The following ARHGAP15 variants were observed in gnomAD, a reference collection of about 807,000 sequenced individuals.
ARHGAP15 encodes Rho GTPase activating protein 15.
In ARHGAP15, 51 loss-of-function variants were observed where a neutral mutation model predicts 63.7. The observed-to-expected ratio is 0.80, with a 90% CI of 0.64 to 1.01. ARHGAP15 has a LOEUF of 1.01. ARHGAP15 is among the 50% of genes least tolerant of loss of function. The pLI is 0.00. For missense variants in ARHGAP15, 560 were observed against 564.6 expected, an observed-to-expected ratio of 0.99 and a Z score of 0.08; for synonymous variants, 191 against 193.8, an observed-to-expected ratio of 0.99 and a Z score of 0.12.
intron 12 of ARHGAP15, among the ~76,000 whole-genome samples, chr2:143,643,340 C>T (rs1429389850): frequency 6.6e-6 from 1 of 151,938 alleles, no homozygotes; most frequent in Non-Finnish European, 1.5e-5. Context: ...GTGCCACTCC[C>T]CAGAAGATTG....
chr2:143,640,524 A>C (rs919827353), intron 12 of ARHGAP15, among the ~76,000 whole-genome samples: 4 of 152,082 alleles, frequency 2.6e-5, no homozygotes. Context: ...CAGAAATTTC[A>C]TCTCAGTGGC....
In ARHGAP15 at chr2:143,600,410, T is replaced by C. The variant is rs1035800952; in HGVS notation, c.1004-23723T>C. 3.9e-5 allele frequency among the ~76,000 whole-genome samples: 6 copies of C among 152,066 alleles called. No homozygotes were observed. The South Asian group carries it at 1.2e-3, about 31-fold the overall frequency. The stretch of plus-strand genomic sequence containing the variant: ...TCCAAGCATTGCATAACTAGTGGAG[T>C]ATTCATATCATATATAACTCAGTAG... On this transcript the variant is annotated intron_variant, in intron 11 of 13. Transcript: ENST00000295095.
At chr2:143,675,263 C>G (rs977988797) in intron 12 of ARHGAP15, among the ~76,000 whole-genome samples, 4 of 152,200 alleles carry the variant, frequency 2.6e-5, no homozygotes, top group African/African-American at 9.7e-5. Flanking sequence ...GCTAGTTCCA[C>G]CACATCTACA....
At chr2:143,383,906 C>T (rs895629087) in intron 6 of ARHGAP15, among the ~76,000 whole-genome samples, 1 of 152,042 alleles carries the variant, frequency 6.6e-6, no homozygotes, top group Admixed American at 6.6e-5. Flanking sequence ...GTCTTAGAGT[C>T]TATGATGAAA....
chr2:143,506,629 C>A (rs535207551), intron 9 of ARHGAP15, among the ~76,000 whole-genome samples: 2 of 152,188 alleles, frequency 1.3e-5, no homozygotes, highest in African/African-American at 4.8e-5. Context: ...TGATGACAGG[C>A]AAATGAAAAG....
In ARHGAP15 at chr2:143,699,045, G is replaced by C. The variant is rs537390315; in HGVS notation, c.1139-4374G>C. 2.7e-4 allele frequency among the ~76,000 whole-genome samples: 41 copies of C among 152,266 alleles called. 1 individual carries two copies. The highest frequency in any genetic ancestry group is 3.4e-3 in the Middle Eastern group (1 of 294). ...ACAGTTGACACATCTTTAGTAAGCTGTTTATGAATCTTAGCTCATTAACCA... is the reference window on the plus strand; with the variant it reads ...ACAGTTGACACATCTTTAGTAAGCTCTTTATGAATCTTAGCTCATTAACCA... On this transcript the variant is annotated intron_variant, in intron 12 of 13. Transcript: ENST00000295095.
rs191134391 is a variant in ARHGAP15 at position 143,331,868 on chromosome 2, C to T, written c.474+81268C>T. Among the ~76,000 whole-genome samples the T allele has an allele frequency of 1.5e-4, 23 of 152,206 alleles. No homozygotes were observed. In the East Asian group the frequency reaches 1.9e-3, roughly 13 times the overall value. ...TTAATCATTATTACATCTTATAAGA[C>T]GTAAGCTTCACACCTCATAAATTTA... On this transcript the variant is annotated intron_variant, in intron 6 of 13. Transcript: ENST00000295095.
intron 5 of ARHGAP15, among the ~76,000 whole-genome samples, chr2:143,246,322 A>G (rs1187043752): frequency 6.6e-6 from 1 of 151,940 alleles, no homozygotes; most frequent in Non-Finnish European, 1.5e-5. Context: ...ATTAAACTTT[A>G]TATTCATTTG....
At chr2:143,717,584 G>C (rs1457162815) in intron 13 of ARHGAP15, among the ~76,000 whole-genome samples, 1 of 152,214 alleles carries the variant, frequency 6.6e-6, no homozygotes, top group Non-Finnish European at 1.5e-5. Context: ...TGTCAGCAAA[G>C]CTCCTTGTAA....
At chr2:143,328,803 T>C (rs2105248244) in intron 6 of ARHGAP15, among the ~76,000 whole-genome samples, 1 of 152,306 alleles carries the variant, frequency 6.6e-6, no homozygotes. Flanking sequence ...CAATAATTTA[T>C]TGTACATTTT....
At chr2:143,207,274 T>C (rs1042979413) in intron 3 of ARHGAP15, among the ~76,000 whole-genome samples, 1 of 152,026 alleles carries the variant, frequency 6.6e-6, no homozygotes, top group Non-Finnish European at 1.5e-5. Context: ...TTATAGATAA[T>C]ATAGTAATAG....
intron 4 of ARHGAP15, among the ~76,000 whole-genome samples, chr2:143,221,686 C>T (rs1189517699): frequency 3.9e-5 from 6 of 152,188 alleles, no homozygotes; most frequent in African/African-American, 1.2e-4. Flanking sequence ...TCTTCTCCCT[C>T]GGCATCTAGG....
chr2:143,699,698 A>AT (rs34853850), intron 12 of ARHGAP15, among the ~76,000 whole-genome samples: 1 of 152,198 alleles, frequency 6.6e-6, no homozygotes, highest in African/African-American at 2.4e-5. Context: ...TAGCAACTAC[A>AT]TTTTGAATGT....
At chr2:143,634,452 A>G (rs1404444688) in intron 12 of ARHGAP15, among the ~76,000 whole-genome samples, 2 of 152,152 alleles carry the variant, frequency 1.3e-5, no homozygotes, top group Non-Finnish European at 2.9e-5. Context: ...GGCAATTGTA[A>G]AAAGAATTTC....
chr2:143,554,272 T>A (rs1383651627), intron 10 of ARHGAP15, among the ~76,000 whole-genome samples: 1 of 152,132 alleles, frequency 6.6e-6, no homozygotes, highest in African/African-American at 2.4e-5. Context: ...CATGGGAAAA[T>A]AATCAGGGCC....
At chr2:143,339,615 C>A (rs1388671220) in intron 6 of ARHGAP15, among the ~76,000 whole-genome samples, 2 of 152,094 alleles carry the variant, frequency 1.3e-5, no homozygotes, top group Non-Finnish European at 2.9e-5. Flanking sequence ...AAGTCAGTTC[C>A]TACCTATTTC....
rs568577157 is a variant in ARHGAP15, at chr2:143,604,531, A to G, written c.1004-19602A>G. 5.9e-5 allele frequency among the ~76,000 whole-genome samples: 9 copies of G among 152,362 alleles called. No individual in the cohort carries two copies. The East Asian group carries it at 1.5e-3, about 26-fold the overall frequency. Reference sequence around the variant, plus strand: ...TTTTGATAACCAGCATTTCACCAATATGAATTTATTTATACAAGATGCCCT... The same window carrying G: ...TTTTGATAACCAGCATTTCACCAATGTGAATTTATTTATACAAGATGCCCT... On this transcript the variant is annotated intron_variant, in intron 11 of 13. Coordinates refer to ENST00000295095, the MANE Select transcript of ARHGAP15 (RefSeq NM_018460.4).
At chr2:143,462,027 G>T (rs1690968145) in intron 8 of ARHGAP15, among the ~76,000 whole-genome samples, 1 of 152,092 alleles carries the variant, frequency 6.6e-6, no homozygotes, top group African/African-American at 2.4e-5. Flanking sequence ...GTGGTGCGCA[G>T]CTACTCGGAG....
intron 13 of ARHGAP15, among the ~76,000 whole-genome samples, chr2:143,751,675 T>A (rs1167856630): frequency 6.6e-6 from 1 of 152,132 alleles, no homozygotes; most frequent in East Asian, 1.9e-4. Context: ...GTGGCTGCCC[T>A]AATGTAATGT....
Sources: allele counts gnomAD v4.1 joint callset (sites outside exome capture counted in the v4.1 genomes callset), GRCh38; gene constraint gnomAD v4.1.1; transcripts MANE v1.5; gene names NCBI Gene and HGNC (gene_info 2026-07-23, HGNC 2026-07-21).